TMPRSS12: variants seen among roughly 807,000 people sequenced by gnomAD.
The protein encoded by TMPRSS12 is transmembrane protease serine 12.
In TMPRSS12, 25 loss-of-function variants were observed where a neutral mutation model predicts 26.0. The observed-to-expected ratio is 0.96, with a 90% CI of 0.70 to 1.34. TMPRSS12 has a LOEUF of 1.34. TMPRSS12 is among the 40% of genes most tolerant of loss of function. The pLI, the probability that TMPRSS12 is intolerant of heterozygous loss-of-function variation, is 0.00. For synonymous variants in TMPRSS12, 150 were observed against 161.7 expected (o/e 0.93, Z 0.55); for missense variants, 441 against 440.1 (o/e 1.00, Z -0.02).
intron 3 of TMPRSS12, among the ~76,000 whole-genome samples, chr12:50,860,164 C>CTATTTTAAGTAATAGATATTTTAAGTAAA (rs1937921187): frequency 6.6e-6 from 1 of 152,180 alleles, no homozygotes; most frequent in African/African-American, 2.4e-5. Flanking sequence ...GCAGAGTTCT[C>CTATTTTAAGTAATAGATATTTTAAGTAAA]TATTTTAAGT....
intron 3 of TMPRSS12, among the ~76,000 whole-genome samples, chr12:50,884,234 C>T (rs1479811577): frequency 6.6e-6 from 1 of 152,110 alleles, no homozygotes; most frequent in Non-Finnish European, 1.5e-5. Flanking sequence ...ACAACTTCTC[C>T]ACTTGTATTC....
intron 3 of TMPRSS12, among the ~76,000 whole-genome samples, chr12:50,867,554 G>A (rs1938003226): frequency 6.6e-6 from 1 of 152,134 alleles, no homozygotes; most frequent in Admixed American, 6.5e-5. Flanking sequence ...ATATATTTGG[G>A]GGAATAATCG....
chr12:50,871,956 G>T (rs1938047345), intron 3 of TMPRSS12, among the ~76,000 whole-genome samples: 1 of 151,756 alleles, frequency 6.6e-6, no homozygotes, highest in Non-Finnish European at 1.5e-5. Flanking sequence ...TGTTGGCATG[G>T]ATGTAGTGAT....
At chr12:50,886,113 G>A (rs916562634) in intron 4 of TMPRSS12, 1 of 152,034 alleles carries the variant, frequency 6.6e-6, no homozygotes, top group African/African-American at 2.4e-5. Flanking sequence ...TTTACAGAAT[G>A]TCTATTTGGA....
intron 4 of TMPRSS12, chr12:50,886,251 T>G (rs1190644522): frequency 1.3e-5 from 2 of 152,052 alleles, no homozygotes; most frequent in African/African-American, 4.8e-5. Context: ...CTGTAGACTG[T>G]TTTTTCACTT....
rs1937731843 is a variant in TMPRSS12, at chr12:50,843,241, T to A, written c.187+90T>A. 1.5e-5 allele frequency: 21 copies of A among 1,386,772 alleles called. 1 individual carries two copies. In the South Asian group the frequency reaches 3.3e-4, roughly 22 times the overall value. The allele number at this position is 1,386,772 out of a possible 1,614,324, so 85.9% of individuals were successfully genotyped here. On this transcript the variant is annotated intron_variant, in intron 1 of 4. Transcript: ENST00000398458. ...TGAATTCGGGTTTCTCCTTTTCTGTTGTCCCAATGGCCTTTAACCAAAATT... is the reference window on the plus strand; with the variant it reads ...TGAATTCGGGTTTCTCCTTTTCTGTAGTCCCAATGGCCTTTAACCAAAATT...
intron 3 of TMPRSS12, among the ~76,000 whole-genome samples, chr12:50,860,260 A>AT (rs968757076): frequency 6.6e-6 from 1 of 152,104 alleles, no homozygotes; most frequent in Non-Finnish European, 1.5e-5. Flanking sequence ...ATTGCGATAT[A>AT]TTTTTTTAGT....
intron 3 of TMPRSS12, among the ~76,000 whole-genome samples, chr12:50,874,617 C>A (rs1033692210): frequency 2.9e-4 from 44 of 152,028 alleles, no homozygotes; most frequent in African/African-American, 8.5e-4. Context: ...GGAAAAGCAG[C>A]CAAACTATCT....
intron 3 of TMPRSS12, among the ~76,000 whole-genome samples, chr12:50,862,483 C>T (rs1474515547): frequency 6.6e-6 from 1 of 151,986 alleles, no homozygotes; most frequent in African/African-American, 2.4e-5. Flanking sequence ...GAGTCTGTCC[C>T]ATGGCTATAC....
intron 3 of TMPRSS12, among the ~76,000 whole-genome samples, chr12:50,878,475 G>A (rs1565937201): frequency 6.6e-6 from 1 of 152,106 alleles, no homozygotes; most frequent in African/African-American, 2.4e-5. Context: ...CTACTTGGAA[G>A]GTTGAGGCAA....
At chr12:50,872,701 GTA>G (rs1491481807) in intron 3 of TMPRSS12, among the ~76,000 whole-genome samples, 3 of 67,160 alleles carry the variant, frequency 4.5e-5, no homozygotes, top group Non-Finnish European at 9.1e-5. Flanking sequence ...TATATATGAC[GTA>G]TATGTGTACA....
At chr12:50,868,682 A>T (rs1938014293) in intron 3 of TMPRSS12, among the ~76,000 whole-genome samples, 2 of 152,168 alleles carry the variant, frequency 1.3e-5, no homozygotes, top group Admixed American at 1.3e-4. Context: ...GCATCTAACA[A>T]CTGCAGAATA....
At chr12:50,845,945 A>T (rs781728065) in intron 2 of TMPRSS12, among the ~76,000 whole-genome samples, 31 of 152,074 alleles carry the variant, frequency 2.0e-4, no homozygotes, top group Admixed American at 2.0e-3. Context: ...CTTTGGAGGA[A>T]TGTCTATTCA....
intron 1 of TMPRSS12, 61 bp from the exon 2 acceptor site, chr12:50,843,781 C>A: frequency 6.7e-7 from 1 of 1,489,062 alleles, no homozygotes; most frequent in Non-Finnish European, 9.1e-7. Context: ...ATATGTTCAG[C>A]TTAGGAAGTA....
intron 3 of TMPRSS12, among the ~76,000 whole-genome samples, chr12:50,882,031 A>G: frequency 1.8e-5 from 2 of 113,792 alleles, no homozygotes; most frequent in African/African-American, 3.3e-5. Flanking sequence ...ATATATATAT[A>G]TATATATATA....
intron 2 of TMPRSS12, among the ~76,000 whole-genome samples, chr12:50,848,688 G>A (rs1308488223): frequency 6.6e-6 from 1 of 152,152 alleles, no homozygotes; most frequent in Non-Finnish European, 1.5e-5. Context: ...TCAATCAGGT[G>A]ATACCACCAT....
intron 3 of TMPRSS12, among the ~76,000 whole-genome samples, chr12:50,862,381 G>T (rs965384168): frequency 2.0e-5 from 3 of 152,124 alleles, no homozygotes; most frequent in Admixed American, 6.5e-5. Context: ...TTTTAATATT[G>T]ACTTCAGTGG....
chr12:50,849,865 T>A (rs2139720500), intron 2 of TMPRSS12, among the ~76,000 whole-genome samples: 1 of 152,118 alleles, frequency 6.6e-6, no homozygotes, highest in African/African-American at 2.4e-5. Flanking sequence ...CAGAACAAAT[T>A]TCTTCACCTC....
intron 3 of TMPRSS12, among the ~76,000 whole-genome samples, chr12:50,872,225 CTG>C (rs964549529): frequency 6.6e-6 from 1 of 152,150 alleles, no homozygotes; most frequent in African/African-American, 2.4e-5. Context: ...GTTAAAGAAA[CTG>C]TGAAGGCCGG....
Sources: allele counts gnomAD v4.1 joint callset (sites outside exome capture counted in the v4.1 genomes callset), GRCh38; gene constraint gnomAD v4.1.1; transcripts MANE v1.5; gene names NCBI Gene and HGNC (gene_info 2026-07-23, HGNC 2026-07-21).